ATRNL1: variants seen among roughly 807,000 people sequenced by gnomAD.
The protein encoded by ATRNL1 is attractin-like protein 1.
In ATRNL1, 95 loss-of-function variants were observed where a neutral mutation model predicts 182.7. The observed-to-expected ratio is 0.52, with a 90% CI of 0.44 to 0.62. The LOEUF (loss-of-function observed/expected upper bound fraction) is 0.62. Among genes scored for constraint, ATRNL1 ranks in the 20% least tolerant of loss-of-function variants. The probability of loss-of-function intolerance (pLI) is 0.00; values close to 1 mark genes in which losing one functional copy is unlikely to be tolerated. For synonymous variants in ATRNL1, 576 were observed against 568.3 expected, an observed-to-expected ratio of 1.01 and a Z score of -0.19; for missense variants, 1,471 against 1,679.5, an observed-to-expected ratio of 0.88 and a Z score of 2.17.
At chr10:115,100,251 TTG>T (rs1843720243) in intron 1 of ATRNL1, among the ~76,000 whole-genome samples, 2 of 152,262 alleles carry the variant, frequency 1.3e-5, no homozygotes, top group South Asian at 4.1e-4. Context: ...TGAGCTGTGA[TTG>T]TGTCACTGTA....
chr10:115,368,859 G>A (rs1319473856), intron 19 of ATRNL1, among the ~76,000 whole-genome samples: 1 of 151,844 alleles, frequency 6.6e-6, no homozygotes, highest in Admixed American at 6.6e-5. Flanking sequence ...GATTACAGGT[G>A]CCCACCACCA....
chr10:115,894,504 A>T (rs577586479), intron 28 of ATRNL1, among the ~76,000 whole-genome samples: 1 of 152,196 alleles, frequency 6.6e-6, no homozygotes, highest in African/African-American at 2.4e-5. Context: ...TCTGAAAAAA[A>T]TTGCTGGAGT....
At chr10:115,675,283 G>C (rs1945824373) in intron 26 of ATRNL1, among the ~76,000 whole-genome samples, 2 of 152,058 alleles carry the variant, frequency 1.3e-5, no homozygotes, top group African/African-American at 4.8e-5. Context: ...GATCTCATGA[G>C]CCCAGGAGTT....
intron 5 of ATRNL1, among the ~76,000 whole-genome samples, chr10:115,150,037 A>C (rs781899341): frequency 5.9e-5 from 9 of 151,788 alleles, no homozygotes; most frequent in Non-Finnish European, 1.3e-4. Context: ...TGGTCTGTTT[A>C]GGTTGTCTAA....
chr10:115,886,985 C>T (rs562885233), intron 28 of ATRNL1, among the ~76,000 whole-genome samples: 1 of 152,288 alleles, frequency 6.6e-6, no homozygotes, highest in East Asian at 1.9e-4. Flanking sequence ...TTAATACTTT[C>T]TGCAGTAGTA....
intron 24 of ATRNL1, among the ~76,000 whole-genome samples, chr10:115,473,741 A>G (rs188903513): frequency 6.6e-6 from 1 of 151,398 alleles, no homozygotes; most frequent in East Asian, 2.0e-4. Flanking sequence ...AATTGATTCA[A>G]TCACCTTAGT....
chr10:115,485,468 G>C (rs1554974957), intron 24 of ATRNL1, among the ~76,000 whole-genome samples: 1 of 151,912 alleles, frequency 6.6e-6, no homozygotes, highest in African/African-American at 2.4e-5. Flanking sequence ...ACCTCACATA[G>C]TTGTCATTTC....
chr10:115,588,359 G>A (rs1855697167), intron 26 of ATRNL1, among the ~76,000 whole-genome samples: 1 of 152,154 alleles, frequency 6.6e-6, no homozygotes, highest in South Asian at 2.1e-4. Flanking sequence ...AGTGTTGGCA[G>A]ATAGAGAGGT....
At chr10:115,334,487 T>A in intron 19 of ATRNL1, 68 bp downstream of exon 19, 1 of 1,274,994 alleles carries the variant, frequency 7.8e-7, no homozygotes, top group Non-Finnish European at 1.0e-6. Context: ...AAGCAGCGCC[T>A]GTTGTGGAGA....
At chr10:115,260,599 A>G (rs1180260367) in intron 10 of ATRNL1, among the ~76,000 whole-genome samples, 1 of 152,182 alleles carries the variant, frequency 6.6e-6, no homozygotes, top group African/African-American at 2.4e-5. Flanking sequence ...AAAATGTCAA[A>G]CGAGTAGGAA....
At chr10:115,620,540 TA>T (rs1303035550) in intron 26 of ATRNL1, among the ~76,000 whole-genome samples, 5 of 152,176 alleles carry the variant, frequency 3.3e-5, no homozygotes, top group African/African-American at 1.2e-4. Flanking sequence ...GGCTAAAAAA[TA>T]TATGCTAACA....
intron 1 of ATRNL1, among the ~76,000 whole-genome samples, chr10:115,104,406 A>G (rs1554865405): frequency 6.6e-6 from 1 of 151,998 alleles, no homozygotes; most frequent in Non-Finnish European, 1.5e-5. Flanking sequence ...TTTTTTTCTT[A>G]CAGCATTGTT....
intron 26 of ATRNL1, among the ~76,000 whole-genome samples, chr10:115,609,115 T>C (rs1377905917): frequency 6.6e-6 from 1 of 152,190 alleles, no homozygotes; most frequent in Non-Finnish European, 1.5e-5. Flanking sequence ...GGGTTAACAC[T>C]AATTCACGTG....
intron 10 of ATRNL1, among the ~76,000 whole-genome samples, chr10:115,259,575 G>A (rs138066800): frequency 5.6e-4 from 86 of 152,308 alleles, no homozygotes; most frequent in African/African-American, 2.0e-3. Context: ...TGCTTCCCGG[G>A]TGAGGTGATG....
intron 3 of ATRNL1, among the ~76,000 whole-genome samples, chr10:115,126,700 G>A (rs1216379019): frequency 6.6e-6 from 1 of 152,038 alleles, no homozygotes. Flanking sequence ...ATTTGAATGG[G>A]GGAATTCAGT....
intron 15 of ATRNL1, among the ~76,000 whole-genome samples, chr10:115,290,812 T>C (rs879973979): frequency 6.6e-6 from 1 of 152,192 alleles, no homozygotes; most frequent in African/African-American, 2.4e-5. Context: ...TGGTGTCTGA[T>C]TTACATAGAG....
At chr10:115,479,727 T>A (rs1447307893) in intron 24 of ATRNL1, among the ~76,000 whole-genome samples, 1 of 151,392 alleles carries the variant, frequency 6.6e-6, no homozygotes, top group African/African-American at 2.4e-5. Context: ...TAATATGAGA[T>A]TTTATTTTGG....
intron 8 of ATRNL1, among the ~76,000 whole-genome samples, chr10:115,181,622 T>C (rs1295145806): frequency 3.3e-5 from 5 of 151,768 alleles, no homozygotes; most frequent in African/African-American, 1.2e-4. Flanking sequence ...CTATTTATCA[T>C]TTTAGGAACT....
rs528301004 is a variant in ATRNL1, at chr10:115,102,843, A to T, written c.293+8800A>T. On this transcript the variant is annotated intron_variant, in intron 1 of 28. Transcript: ENST00000355044. ...TACATTTTAGAACTGTTTGTCAATTAAAAAAGTCTTGCTGGGATTTTTATT... is the reference window on the plus strand; with the variant it reads ...TACATTTTAGAACTGTTTGTCAATTTAAAAAGTCTTGCTGGGATTTTTATT... 6.4e-4 allele frequency among the ~76,000 whole-genome samples: 98 copies of T among 152,186 alleles called. 1 individual carries two copies. The highest frequency in any genetic ancestry group is 2.3e-3 in the African/African-American group (97 of 41,442).
Sources: gnomAD v4.1 joint callset for allele counts (sites outside exome capture counted in the v4.1 genomes callset) on GRCh38, gnomAD v4.1.1 for gene constraint, MANE v1.5 for transcripts, NCBI Gene and HGNC (gene_info 2026-07-23, HGNC 2026-07-21) for gene names.